The following PAK3 variants were observed in gnomAD, a reference collection of about 807,000 sequenced individuals.
PAK3 encodes the protein p21 (RAC1) activated kinase 3, also known as serine/threonine-protein kinase PAK 3.
A neutral mutation model predicts 41.0 loss-of-function variants in PAK3; 4 were observed. That is an observed-to-expected ratio of 0.10 (90% confidence interval 0.05 to 0.22). The LOEUF (loss-of-function observed/expected upper bound fraction) is 0.22. Among genes scored for constraint, PAK3 ranks in the 10% least tolerant of loss-of-function variants. The pLI is 1.00. For synonymous variants in PAK3, 146 were observed against 139.6 expected (o/e 1.05, Z -0.32); for missense variants, 205 against 409.9 (o/e 0.50, Z 4.32).
At chrX:111,012,317 G>T (rs1183878851) in intron 1 of PAK3, among the ~76,000 whole-genome samples, 1 of 111,874 alleles carries the variant, frequency 8.9e-6, no homozygotes, top group African/African-American at 3.2e-5. Flanking sequence ...ATGACCCATA[G>T]TAAAGGACGG....
intron 1 of PAK3, among the ~76,000 whole-genome samples, chrX:110,996,870 C>T (rs2091749060): frequency 9.0e-6 from 1 of 111,641 alleles, no homozygotes; most frequent in African/African-American, 3.3e-5. Flanking sequence ...GCAGTCCAAG[C>T]ACATTAAGAC....
At chrX:111,122,210 T>C (rs1038395770) in intron 4 of PAK3, among the ~76,000 whole-genome samples, 1 of 93,154 alleles carries the variant, frequency 1.1e-5, no homozygotes, top group Non-Finnish European at 2.1e-5. Flanking sequence ...GAGCCGAGAT[T>C]GCGCCACTGC....
chrX:110,976,605 C>A (rs935881815), intron 1 of PAK3, among the ~76,000 whole-genome samples: 8 of 111,872 alleles, frequency 7.2e-5, no homozygotes, highest in African/African-American at 2.6e-4. Context: ...AATCCCATTA[C>A]TGGGTATATA....
At chrX:111,149,341 A>G (rs926539569) in intron 7 of PAK3, among the ~76,000 whole-genome samples, 1 of 111,484 alleles carries the variant, frequency 9.0e-6, no homozygotes, top group Non-Finnish European at 1.9e-5. Flanking sequence ...TGGATCTACC[A>G]TTCTGGGATC....
intron 1 of PAK3, among the ~76,000 whole-genome samples, chrX:110,950,450 G>A (rs1401076325): frequency 2.7e-5 from 3 of 111,423 alleles, no homozygotes; most frequent in Non-Finnish European, 5.7e-5. Flanking sequence ...GGATACATGT[G>A]CAGAATGTGC....
intron 1 of PAK3, among the ~76,000 whole-genome samples, chrX:111,076,687 T>A (rs1375852043): frequency 8.9e-6 from 1 of 111,733 alleles, no homozygotes; most frequent in East Asian, 2.8e-4. Context: ...ACAATGAAGG[T>A]CATGTATGAC....
rs1193613603 is a variant in PAK3, at chrX:111,225,435, T to C, written c.*4988T>C. 8.9e-6 allele frequency: 1 copy of C among 112,201 alleles called. No homozygotes were observed. Among genetic ancestry groups the C allele is most frequent in the African/African-American group, 3.2e-5 (1 of 30,876 alleles). The allele number at this position is 112,201 out of a possible 1,213,427, so 9.2% of individuals were successfully genotyped here. On this transcript the variant is annotated 3_prime_UTR_variant, in exon 18 of 18. Transcript: ENST00000372007. ...GGGTTGAACTTGCAAGATAAACTTT[T>C]GGAAACTGCTTAGTGCCATCGGAGT...
At chrX:111,011,784 G>A (rs185495861) in intron 1 of PAK3, among the ~76,000 whole-genome samples, 64 of 111,940 alleles carry the variant, frequency 5.7e-4, no homozygotes, top group Admixed American at 1.5e-3. Flanking sequence ...CATCCATAGG[G>A]GATTTTGCTG....
intron 4 of PAK3, among the ~76,000 whole-genome samples, chrX:111,105,473 G>T (rs767925760): frequency 2.9e-4 from 32 of 111,645 alleles, no homozygotes; most frequent in Admixed American, 7.6e-4. Flanking sequence ...CAGTGTACTT[G>T]CATTGATGTC....
In PAK3 at chrX:111,104,754, A is replaced by T. The variant is rs777168501; in HGVS notation, c.-28+1448A>T. 3.5e-3 allele frequency among the ~76,000 whole-genome samples: 389 copies of T among 109,614 alleles called. 2 individuals are homozygous for T. The highest frequency in any genetic ancestry group is 0.012 in the African/African-American group (368 of 30,082). On this transcript the variant is annotated intron_variant, in intron 4 of 17. Transcript: ENST00000372007. ...CCTATGATAATCTTGCAAGGTAGGT[A>T]TTTTTTTTTCTAATAGTTATTGCTG...
chrX:111,199,831 T>C (rs1332392462), intron 16 of PAK3, among the ~76,000 whole-genome samples: 3 of 111,901 alleles, frequency 2.7e-5, no homozygotes, highest in African/African-American at 9.7e-5. Flanking sequence ...AACCTAATCC[T>C]ATCATCTTAT....
chrX:111,103,006 AGAGAGT>A (rs2093173557), intron 3 of PAK3, among the ~76,000 whole-genome samples, 147 bp from the exon 4 acceptor site: 1 of 110,231 alleles, frequency 9.1e-6, no homozygotes, highest in Non-Finnish European at 1.9e-5. Context: ...AAAGAGAGAG[AGAGAGT>A]GTGTGTGTGT....
At chrX:111,112,347 G>A (rs985838748) in intron 4 of PAK3, among the ~76,000 whole-genome samples, 1 of 110,180 alleles carries the variant, frequency 9.1e-6, no homozygotes. Context: ...CCCCTGTGAA[G>A]CCTGCTTCGT....
At chrX:111,170,473 A>G (rs1206685855) in intron 10 of PAK3, among the ~76,000 whole-genome samples, 1 of 111,346 alleles carries the variant, frequency 9.0e-6, no homozygotes, top group African/African-American at 3.3e-5. Context: ...GTTGTATACT[A>G]GCCCAGAGAA....
At chrX:110,972,414 C>T (rs1417856229) in intron 1 of PAK3, among the ~76,000 whole-genome samples, 2 of 111,842 alleles carry the variant, frequency 1.8e-5, no homozygotes, top group Non-Finnish European at 3.8e-5. Flanking sequence ...GATACCCAGG[C>T]AAAGAGGGTC....
At chrX:111,028,934 A>T (rs1431130618) in intron 1 of PAK3, among the ~76,000 whole-genome samples, 2 of 110,380 alleles carry the variant, frequency 1.8e-5, no homozygotes, top group African/African-American at 6.6e-5. Context: ...CAAGTTCAAG[A>T]CCAGCCTGGA....
intron 11 of PAK3, among the ~76,000 whole-genome samples, chrX:111,191,556 T>C (rs919384214): frequency 9.0e-6 from 1 of 111,714 alleles, no homozygotes; most frequent in Non-Finnish European, 1.9e-5. Flanking sequence ...CTGAGAGAGA[T>C]TGGTCTTTAG....
intron 1 of PAK3, among the ~76,000 whole-genome samples, chrX:110,973,941 C>A (rs1247917479): frequency 9.0e-6 from 1 of 111,595 alleles, no homozygotes; most frequent in African/African-American, 3.3e-5. Context: ...AGATTTTAAA[C>A]CAACAAACAT....
At chrX:110,979,447 G>A (rs1279368028) in intron 1 of PAK3, among the ~76,000 whole-genome samples, 1 of 108,593 alleles carries the variant, frequency 9.2e-6, no homozygotes, top group Non-Finnish European at 1.9e-5. Context: ...TACAGGTGCC[G>A]CCACCTCGCC....
Sources: allele counts gnomAD v4.1 joint callset (sites outside exome capture counted in the v4.1 genomes callset), GRCh38; gene constraint gnomAD v4.1.1; transcripts MANE v1.5; gene names NCBI Gene and HGNC (gene_info 2026-07-23, HGNC 2026-07-21).